The following MYO16 variants were observed in gnomAD, a reference collection of about 807,000 sequenced individuals.
The protein encoded by MYO16 is myosin XVI.
In MYO16, 94 loss-of-function variants were observed where a neutral mutation model predicts 205.3. That is an observed-to-expected ratio of 0.46 (90% CI 0.39 to 0.54). The LOEUF (loss-of-function observed/expected upper bound fraction) is 0.54, where lower values mean the gene tolerates loss of function less well. Ranked by LOEUF, MYO16 falls within the 20% of genes least tolerant of loss-of-function variation. The pLI, the probability that MYO16 is intolerant of heterozygous loss-of-function variation, is 0.00. For synonymous variants in MYO16, 988 were observed against 954.0 expected, an observed-to-expected ratio of 1.04 and a Z score of -0.66; for missense variants, 2,315 against 2,387.5, an observed-to-expected ratio of 0.97 and a Z score of 0.63.
intron 34 of MYO16, among the ~76,000 whole-genome samples, chr13:109,189,927 T>C (rs2139941522): frequency 6.6e-6 from 1 of 152,116 alleles, no homozygotes; most frequent in South Asian, 2.1e-4. Context: ...TGTTGTTGTT[T>C]TTTTTTCAAC....
At chr13:108,714,135 C>A (rs979715961) in intron 3 of MYO16, among the ~76,000 whole-genome samples, 7 of 152,156 alleles carry the variant, frequency 4.6e-5, no homozygotes, top group Non-Finnish European at 7.4e-5. Flanking sequence ...CGGCTCACTG[C>A]AAGCTCCGTC....
intron 7 of MYO16, 53 bp downstream of exon 7, chr13:108,806,857 A>C (rs1334668585): frequency 2.4e-6 from 3 of 1,236,282 alleles, no homozygotes; most frequent in Non-Finnish European, 3.2e-6. Flanking sequence ...ATTAATGAAT[A>C]ATTTCATATT....
intron 16 of MYO16, among the ~76,000 whole-genome samples, chr13:108,949,296 G>A (rs995160527): frequency 5.3e-5 from 8 of 152,114 alleles, no homozygotes; most frequent in Admixed American, 2.6e-4. Context: ...GAACCAAGGA[G>A]CTTAAAAAGC....
chr13:108,762,042 G>C (rs535758476), intron 4 of MYO16, among the ~76,000 whole-genome samples: 1 of 152,256 alleles, frequency 6.6e-6, no homozygotes, highest in Admixed American at 6.5e-5. Flanking sequence ...ATTCTGTGCT[G>C]TATGTCCATA....
rs547405811 is a variant in MYO16 at position 109,125,701 on chromosome 13, C to T, written c.3782+343C>T. Among the ~76,000 whole-genome samples, 8 of 152,304 alleles carry T rather than the reference C, an allele frequency of 5.3e-5. No homozygotes were observed. The highest frequency in any genetic ancestry group is 1.2e-4 in the Non-Finnish European group (8 of 68,038). On this transcript the variant is annotated intron_variant, in intron 30 of 34. Transcript: ENST00000457511. This position sits in a 1 kb window ranked among gnomAD's most constrained non-coding sequence, Gnocchi z 4.0. Reference sequence around the variant, plus strand: ...TATAGCTTGGCTGTTGACATTTTTACACAAGCGTTACGGATATAAGGCTGG... The same window carrying T: ...TATAGCTTGGCTGTTGACATTTTTATACAAGCGTTACGGATATAAGGCTGG...
intron 1 of MYO16, among the ~76,000 whole-genome samples, chr13:108,635,492 A>G (rs1432961334): frequency 6.7e-6 from 1 of 148,854 alleles, no homozygotes; most frequent in Non-Finnish European, 1.5e-5. Context: ...TGTGGTGTAG[A>G]TGGTTTACCT....
At chr13:108,846,520 C>A (rs1877530279) in intron 10 of MYO16, among the ~76,000 whole-genome samples, 1 of 74,906 alleles carries the variant, frequency 1.3e-5, no homozygotes, top group Non-Finnish European at 3.2e-5. Context: ...ATACATATAT[C>A]CTTTGGGGGG....
chr13:109,199,442 CT>C (rs1199020334), intron 34 of MYO16, among the ~76,000 whole-genome samples: 1 of 151,682 alleles, frequency 6.6e-6, no homozygotes, highest in Non-Finnish European at 1.5e-5. Flanking sequence ...CACTTGCCTT[CT>C]GGTTCTAAAA....
intron 9 of MYO16, among the ~76,000 whole-genome samples, chr13:108,843,934 A>G (rs1161366334): frequency 6.6e-6 from 1 of 152,116 alleles, no homozygotes; most frequent in Non-Finnish European, 1.5e-5. Context: ...TTAAATCCTA[A>G]ATGAGTAATT....
At chr13:108,669,791 G>C (rs2139442248) in intron 2 of MYO16, among the ~76,000 whole-genome samples, 1 of 152,248 alleles carries the variant, frequency 6.6e-6, no homozygotes, top group African/African-American at 2.4e-5. Context: ...GATAAAGCTG[G>C]AAACCATCAT....
At chr13:108,844,031 A>T (rs548984931) in intron 9 of MYO16, among the ~76,000 whole-genome samples, 4 of 152,290 alleles carry the variant, frequency 2.6e-5, no homozygotes, top group African/African-American at 9.6e-5. Flanking sequence ...TAGTTCAGCC[A>T]TGCATTTCAA....
At chr13:108,975,273 C>G (rs1884211360) in intron 20 of MYO16, among the ~76,000 whole-genome samples, 1 of 151,922 alleles carries the variant, frequency 6.6e-6, no homozygotes. Context: ...AGCATAGGCC[C>G]CCAATTCCAG....
chr13:108,624,653 C>CTTTAGA (rs1200294126), upstream of MYO16, among the ~76,000 whole-genome samples: 1 of 152,116 alleles, frequency 6.6e-6, no homozygotes, highest in African/African-American at 2.4e-5. Flanking sequence ...AAATGTCCTG[C>CTTTAGA]TTTAGATACC....
At chr13:108,594,361 C>G (rs1878482021), upstream of MYO16, among the ~76,000 whole-genome samples, 1 of 152,156 alleles carries the variant, frequency 6.6e-6, no homozygotes, top group African/African-American at 2.4e-5. Context: ...CATGGTAACC[C>G]TAATTGGTTT....
At chr13:109,018,011 G>A (rs1885887484) in intron 22 of MYO16, among the ~76,000 whole-genome samples, 1 of 152,156 alleles carries the variant, frequency 6.6e-6, no homozygotes, top group East Asian at 1.9e-4. Context: ...TCTGTTGCTG[G>A]TGAGGAGCTG....
At chr13:109,167,364 G>A (rs532519431) in intron 33 of MYO16, 1 of 125,256 alleles carries the variant, frequency 8.0e-6, no homozygotes, top group African/African-American at 2.7e-5. Context: ...GATGGCTAAA[G>A]CATTGTGTTG....
At chr13:108,812,544 G>T (rs542324653) in intron 7 of MYO16, among the ~76,000 whole-genome samples, 158 of 152,276 alleles carry the variant, frequency 1.0e-3, no homozygotes, top group Middle Eastern at 6.8e-3. Context: ...ACATGCAAGG[G>T]CTTTGGTAGC....
chr13:109,156,744 C>T (rs1182845420), intron 32 of MYO16, among the ~76,000 whole-genome samples: 1 of 152,168 alleles, frequency 6.6e-6, no homozygotes, highest in Admixed American at 6.5e-5. Context: ...TCTGCCAAGG[C>T]TCCTGGCCTG....
intron 4 of MYO16, among the ~76,000 whole-genome samples, chr13:108,746,503 T>A (rs1164092332): frequency 6.6e-6 from 1 of 151,750 alleles, no homozygotes; most frequent in Non-Finnish European, 1.5e-5. Flanking sequence ...ATTATATATA[T>A]CAAAATGGCT....
Sources: gnomAD v4.1 joint callset for allele counts (sites outside exome capture counted in the v4.1 genomes callset) on GRCh38, gnomAD v4.1.1 for gene constraint, Gnocchi (gnomAD v3.1) non-coding constraint, MANE v1.5 for transcripts, NCBI Gene and HGNC (gene_info 2026-07-23, HGNC 2026-07-21) for gene names.